Variants in GSPT1 observed in about 807,000 individuals in gnomAD.
The protein encoded by GSPT1 is eukaryotic peptide chain release factor GTP-binding subunit ERF3A.
A neutral mutation model predicts 72.5 loss-of-function variants in GSPT1; 20 were observed. The ratio of observed to expected loss-of-function variants is 0.28; its 90% CI spans 0.19 to 0.40. The LOEUF (loss-of-function observed/expected upper bound fraction) is 0.40. Ranked by LOEUF, GSPT1 falls within the 10% of genes least tolerant of loss-of-function variation. The probability of loss-of-function intolerance (pLI) is 1.00; values close to 1 mark genes in which losing one functional copy is unlikely to be tolerated. For synonymous variants in GSPT1, 334 were observed against 293.5 expected (o/e 1.14, Z -1.41); for missense variants, 580 against 811.9 (o/e 0.71, Z 3.47).
intron 1 of GSPT1, among the ~76,000 whole-genome samples, chr16:11,914,525 T>G (rs972532432): frequency 3.3e-5 from 5 of 152,258 alleles, no homozygotes; most frequent in Non-Finnish European, 5.9e-5. Flanking sequence ...AATGCTCAAG[T>G]GTCTGAAGAA....
At chr16:11,879,520 G>A (rs1453666761) in intron 11 of GSPT1, among the ~76,000 whole-genome samples, 1 of 152,010 alleles carries the variant, frequency 6.6e-6, no homozygotes, top group Non-Finnish European at 1.5e-5. Context: ...GGATCACGAG[G>A]TCAGAAGTTC....
rs1419911216 is a variant in GSPT1, at chr16:11,908,648, T to C, written c.352+6721A>G. Among the ~76,000 whole-genome samples, 11 of 102,232 alleles carry C rather than the reference T, an allele frequency of 1.1e-4. 3 individuals are homozygous for C. Among genetic ancestry groups the C allele is most frequent in the Admixed American group, 1.9e-4 (2 of 10,668 alleles). The allele number at this position is 102,232 out of a possible 152,430, so 67.1% of individuals were successfully genotyped here. A position where few individuals can be genotyped will look rare whatever the true frequency, so the allele number is the denominator to read the frequency against. On this transcript the variant is annotated intron_variant, in intron 1 of 14. Coordinates refer to ENST00000434724, the MANE Select transcript of GSPT1 (RefSeq NM_002094.4). ...AGTGGCGGGCGCCTGTAGTCCCAGCTACTTGGGAGACTGAGGCGGGAGAAT... is the reference window on the plus strand; with the variant it reads ...AGTGGCGGGCGCCTGTAGTCCCAGCCACTTGGGAGACTGAGGCGGGAGAAT...
chr16:11,878,855 A>G (rs2054081343), intron 11 of GSPT1, among the ~76,000 whole-genome samples: 1 of 151,938 alleles, frequency 6.6e-6, no homozygotes, highest in Admixed American at 6.6e-5. Flanking sequence ...ACCTGAGATC[A>G]GGAGTTTGAG....
intron 14 of GSPT1, among the ~76,000 whole-genome samples, chr16:11,873,982 A>C (rs1425383036): frequency 6.6e-6 from 1 of 152,242 alleles, no homozygotes; most frequent in Admixed American, 6.5e-5. Context: ...ACAAAGGAAT[A>C]AATAACATGT....
intron 1 of GSPT1, among the ~76,000 whole-genome samples, chr16:11,906,978 C>G (rs1407083329): frequency 6.6e-6 from 1 of 152,050 alleles, no homozygotes; most frequent in Non-Finnish European, 1.5e-5. Flanking sequence ...AAGAAGTCTA[C>G]AGAACACATA....
chr16:11,880,476 G>A (rs1197053152), intron 11 of GSPT1, among the ~76,000 whole-genome samples: 2 of 152,088 alleles, frequency 1.3e-5, no homozygotes, highest in Admixed American at 6.5e-5. Flanking sequence ...TTGCCAACAC[G>A]TGTTACTCTG....
chr16:11,875,066 A>G (rs1056322385), intron 14 of GSPT1, among the ~76,000 whole-genome samples: 17 of 152,182 alleles, frequency 1.1e-4, no homozygotes, highest in South Asian at 1.0e-3. Flanking sequence ...GGCAGCACCT[A>G]TAGTCCCAGC....
At chr16:11,916,028 G>C (rs2054634056), upstream of GSPT1, 1 of 648,356 alleles carries the variant, frequency 1.5e-6, no homozygotes, top group Non-Finnish European at 2.9e-6. Flanking sequence ...TTGACCCCTC[G>C]CCGCCACCCG....
chr16:11,873,712 T>G (rs1013466742), intron 14 of GSPT1, among the ~76,000 whole-genome samples: 2 of 151,994 alleles, frequency 1.3e-5, no homozygotes, highest in Non-Finnish European at 2.9e-5. Context: ...CTCAGCCTCC[T>G]GAGTAGCTGG....
At chr16:11,893,560 C>T (rs190009586) in intron 5 of GSPT1, among the ~76,000 whole-genome samples, 46 of 152,230 alleles carry the variant, frequency 3.0e-4, no homozygotes, top group African/African-American at 1.1e-3. Context: ...CAAAATAGTT[C>T]GTTAGTAATG....
chr16:11,910,408 T>C (rs1261257629), intron 1 of GSPT1, among the ~76,000 whole-genome samples: 1 of 152,198 alleles, frequency 6.6e-6, no homozygotes, highest in Non-Finnish European at 1.5e-5. Flanking sequence ...GACCACAATT[T>C]ATTCATCTTG....
At chr16:11,885,359 A>G (rs1040188751) in intron 9 of GSPT1, 85 bp from the exon 10 acceptor site, 14 of 697,412 alleles carry the variant, frequency 2.0e-5, no homozygotes, top group Non-Finnish European at 3.7e-5. Context: ...AGCTTCTAAT[A>G]ATATTTTCAT....
intron 5 of GSPT1, among the ~76,000 whole-genome samples, chr16:11,894,119 G>A (rs930865820): frequency 4.4e-5 from 5 of 113,902 alleles, no homozygotes; most frequent in African/African-American, 1.0e-4. Context: ...TCATGCCACT[G>A]CACTCCAGCC....
intron 1 of GSPT1, among the ~76,000 whole-genome samples, chr16:11,899,650 C>G (rs1419291994): frequency 6.6e-6 from 1 of 152,124 alleles, no homozygotes; most frequent in Non-Finnish European, 1.5e-5. Context: ...CAACACAATA[C>G]AGATTAACTT....
chr16:11,879,107 A>AAT (rs1491245776), intron 11 of GSPT1, among the ~76,000 whole-genome samples: 12 of 228 alleles, frequency 0.053, no homozygotes, highest in Non-Finnish European at 0.05. Context: ...TAATAATAAT[A>AAT]AAAAAAAGGC....
chr16:11,901,493 T>C (rs1201526362), intron 1 of GSPT1, among the ~76,000 whole-genome samples: 2 of 152,210 alleles, frequency 1.3e-5, no homozygotes, highest in Admixed American at 1.3e-4. Flanking sequence ...AATGGAACAA[T>C]TTTTTCTAAG....
At chr16:11,890,937 G>C in intron 6 of GSPT1, 125 bp downstream of exon 6, 1 of 596,120 alleles carries the variant, frequency 1.7e-6, no homozygotes, top group East Asian at 3.2e-5. Context: ...GAGGAGAGGG[G>C]AAATTTCCTT....
intron 9 of GSPT1, 66 bp downstream of exon 9, chr16:11,886,401 ATGTC>A: frequency 1.0e-6 from 1 of 987,746 alleles, no homozygotes; most frequent in Non-Finnish European, 1.5e-6. Flanking sequence ...TACTCAGCAT[ATGTC>A]TTTATAAGTA....
chr16:11,903,670 C>G (rs981662560), intron 1 of GSPT1, among the ~76,000 whole-genome samples: 3 of 152,088 alleles, frequency 2.0e-5, no homozygotes, highest in African/African-American at 7.2e-5. Context: ...CAACCTGGAC[C>G]ACGGTGTGAG....
Sources: allele counts gnomAD v4.1 joint callset (sites outside exome capture counted in the v4.1 genomes callset), GRCh38; gene constraint gnomAD v4.1.1; transcripts MANE v1.5; gene names NCBI Gene and HGNC (gene_info 2026-07-23, HGNC 2026-07-21).